Variants in ST8SIA2 observed in about 807,000 individuals in gnomAD.
ST8SIA2 encodes alpha-2,8-sialyltransferase 8B.
ST8SIA2 carries 22 observed loss-of-function variants against 37.6 expected under a neutral mutation model. The ratio of observed to expected loss-of-function variants is 0.58; its 90% CI spans 0.42 to 0.83. The LOEUF is 0.83. Among genes scored for constraint, ST8SIA2 ranks in the 40% least tolerant of loss-of-function variants. The pLI, the probability that ST8SIA2 is intolerant of heterozygous loss-of-function variation, is 0.00. For synonymous variants in ST8SIA2, 205 were observed against 201.2 expected (o/e 1.02, Z -0.16); for missense variants, 382 against 484.7 (o/e 0.79, Z 1.99).
At chr15:92,411,050 G>T (rs906981463) in intron 1 of ST8SIA2, among the ~76,000 whole-genome samples, 3 of 152,210 alleles carry the variant, frequency 2.0e-5, no homozygotes, top group Non-Finnish European at 4.4e-5. Flanking sequence ...TTGGAGCCAG[G>T]CTGTCAAGGG....
At chr15:92,400,086 T>C (rs2049459215) in intron 1 of ST8SIA2, among the ~76,000 whole-genome samples, 1 of 152,172 alleles carries the variant, frequency 6.6e-6, no homozygotes. Flanking sequence ...TGGAATGCCC[T>C]CCTTGCGCAC....
intron 1 of ST8SIA2, among the ~76,000 whole-genome samples, chr15:92,419,551 G>T (rs546319645): frequency 1.3e-5 from 2 of 152,126 alleles, no homozygotes; most frequent in Non-Finnish European, 2.9e-5. Flanking sequence ...GAAGCCGAAC[G>T]CATAGAGATA....
intron 3 of ST8SIA2, among the ~76,000 whole-genome samples, chr15:92,436,432 G>A (rs1045125766): frequency 2.0e-5 from 3 of 151,996 alleles, no homozygotes; most frequent in East Asian, 1.9e-4. Context: ...TTTACCCAGA[G>A]GGAAAAAGAA....
chr15:92,418,462 C>CAAAAA, intron 1 of ST8SIA2, among the ~76,000 whole-genome samples: 1 of 100,068 alleles, frequency 1.0e-5, no homozygotes, highest in Non-Finnish European at 2.0e-5. Context: ...GACCCTCCCT[C>CAAAAA]AAAAAAAAAA....
chr15:92,412,399 G>A (rs551600062), intron 1 of ST8SIA2, among the ~76,000 whole-genome samples: 41 of 152,048 alleles, frequency 2.7e-4, no homozygotes, highest in Admixed American at 3.9e-4. Flanking sequence ...GGTGAGCAGG[G>A]CCTGGAAACA....
chr15:92,419,517 G>A (rs923462508), intron 1 of ST8SIA2, among the ~76,000 whole-genome samples: 5 of 152,158 alleles, frequency 3.3e-5, no homozygotes, highest in African/African-American at 1.2e-4. Flanking sequence ...CCTGTGCCTG[G>A]CCATGGTCTG....
At chr15:92,410,996 T>C (rs887245596) in intron 1 of ST8SIA2, among the ~76,000 whole-genome samples, 23 of 152,310 alleles carry the variant, frequency 1.5e-4, no homozygotes, top group Non-Finnish European at 2.6e-4. Flanking sequence ...CCACAGACTC[T>C]GGCAGTGCCT....
chr15:92,459,130 C>G (rs915266028), intron 5 of ST8SIA2, among the ~76,000 whole-genome samples: 2 of 152,220 alleles, frequency 1.3e-5, no homozygotes, highest in Admixed American at 6.5e-5. Context: ...CTCTCTCCCC[C>G]TTTCTGGTCA....
At chr15:92,425,490 T>G (rs193024802) in intron 1 of ST8SIA2, among the ~76,000 whole-genome samples, 1 of 152,234 alleles carries the variant, frequency 6.6e-6, no homozygotes, top group Non-Finnish European at 1.5e-5. Flanking sequence ...CAAGACAGGC[T>G]TCTATTCTGT....
chr15:92,408,972 G>A (rs1018294654), intron 1 of ST8SIA2, among the ~76,000 whole-genome samples: 2 of 152,136 alleles, frequency 1.3e-5, no homozygotes, highest in African/African-American at 4.8e-5. Flanking sequence ...CCAAAATGCT[G>A]GGATTACAGG....
chr15:92,458,850 C>T (rs757491179), intron 5 of ST8SIA2, among the ~76,000 whole-genome samples: 4 of 152,158 alleles, frequency 2.6e-5, no homozygotes, highest in Middle Eastern at 3.4e-3. Context: ...CTGCTAAGCA[C>T]AATAAGAGAA....
At chr15:92,414,461 C>T (rs1029683866) in intron 1 of ST8SIA2, among the ~76,000 whole-genome samples, 3 of 152,214 alleles carry the variant, frequency 2.0e-5, no homozygotes, top group African/African-American at 7.2e-5. Context: ...ACCTACTCCC[C>T]AATTTGGAGA....
chr15:92,423,595 G>A (rs188999171), intron 1 of ST8SIA2, among the ~76,000 whole-genome samples: 140 of 152,324 alleles, frequency 9.2e-4, no homozygotes, highest in African/African-American at 3.3e-3. Flanking sequence ...AAGATGGCAC[G>A]TTGAGCACTG....
chr15:92,395,455 TC>T (rs2141790255), intron 1 of ST8SIA2, among the ~76,000 whole-genome samples: 2 of 152,122 alleles, frequency 1.3e-5, no homozygotes, highest in South Asian at 4.2e-4. Context: ...GCTCTCATTT[TC>T]TCCCTGCCCC....
At chr15:92,418,270 A>G (rs932038599) in intron 1 of ST8SIA2, among the ~76,000 whole-genome samples, 1 of 151,860 alleles carries the variant, frequency 6.6e-6, no homozygotes, top group African/African-American at 2.4e-5. Flanking sequence ...CCTGAGCAAC[A>G]TGGCAAAACC....
At chr15:92,431,224 C>T (rs2049713208) in intron 2 of ST8SIA2, among the ~76,000 whole-genome samples, 1 of 152,124 alleles carries the variant, frequency 6.6e-6, no homozygotes, top group South Asian at 2.1e-4. Flanking sequence ...AGCCCAAGTC[C>T]TCGTGGTAGC....
At chr15:92,409,505 G>A (rs562020830) in intron 1 of ST8SIA2, among the ~76,000 whole-genome samples, 1 of 138,664 alleles carries the variant, frequency 7.2e-6, no homozygotes, top group South Asian at 2.5e-4. Context: ...GGACTAGGTG[G>A]TCTATTTACT....
At chr15:92,408,225 C>T (rs926642857) in intron 1 of ST8SIA2, among the ~76,000 whole-genome samples, 3 of 152,110 alleles carry the variant, frequency 2.0e-5, no homozygotes, top group Admixed American at 6.5e-5. Flanking sequence ...GTGGTCCCAC[C>T]GAGAGGGGAG....
At chr15:92,463,517 C>T (rs1016792596) in intron 5 of ST8SIA2, among the ~76,000 whole-genome samples, 5 of 152,108 alleles carry the variant, frequency 3.3e-5, no homozygotes, top group African/African-American at 7.2e-5. Flanking sequence ...CGCGAGGGGA[C>T]GCCCTGTGGG....
Sources: gnomAD v4.1 joint callset for allele counts (sites outside exome capture counted in the v4.1 genomes callset) on GRCh38, gnomAD v4.1.1 for gene constraint, MANE v1.5 for transcripts, NCBI Gene and HGNC (gene_info 2026-07-23, HGNC 2026-07-21) for gene names.